EPHA6: variants seen among roughly 807,000 people sequenced by gnomAD.
EPHA6 encodes EPH receptor A6.
EPHA6 carries 50 observed loss-of-function variants against 112.0 expected under a neutral mutation model. The observed-to-expected ratio is 0.45, with a 90% CI of 0.36 to 0.56. EPHA6 has a LOEUF of 0.56. Among genes scored for constraint, EPHA6 ranks in the 20% least tolerant of loss-of-function variants. The probability of loss-of-function intolerance (pLI) is 0.00; values close to 1 mark genes in which losing one functional copy is unlikely to be tolerated. For synonymous variants in EPHA6, 529 were observed against 490.7 expected, an observed-to-expected ratio of 1.08 and a Z score of -1.03; for missense variants, 1,280 against 1,417.4, an observed-to-expected ratio of 0.90 and a Z score of 1.56.
chr3:97,443,519 T>C (rs370569848), intron 6 of EPHA6, among the ~76,000 whole-genome samples: 1 of 152,132 alleles, frequency 6.6e-6, no homozygotes, highest in East Asian at 1.9e-4. Context: ...TCCTGGACTT[T>C]ATTAAACAAA....
intron 11 of EPHA6, among the ~76,000 whole-genome samples, chr3:97,544,241 C>T (rs1312581949): frequency 1.3e-5 from 2 of 152,018 alleles, no homozygotes; most frequent in Non-Finnish European, 2.9e-5. Context: ...TCATAGATAG[C>T]TCTTATTATT....
chr3:97,381,772 A>C (rs2085750062), intron 5 of EPHA6, among the ~76,000 whole-genome samples: 1 of 152,130 alleles, frequency 6.6e-6, no homozygotes, highest in African/African-American at 2.4e-5. Flanking sequence ...TCAAATAATC[A>C]TGCCTAATTA....
At chr3:97,269,634 C>T (rs2108637339) in intron 5 of EPHA6, among the ~76,000 whole-genome samples, 1 of 152,252 alleles carries the variant, frequency 6.6e-6, no homozygotes, top group East Asian at 1.9e-4. Flanking sequence ...GGTCCCTACC[C>T]CAGATATTCT....
chr3:97,066,330 T>A (rs2046177687), intron 3 of EPHA6, among the ~76,000 whole-genome samples: 1 of 152,022 alleles, frequency 6.6e-6, no homozygotes, highest in South Asian at 2.1e-4. Flanking sequence ...TACAAAGCAA[T>A]AACAAAAGTG....
intron 2 of EPHA6, among the ~76,000 whole-genome samples, chr3:96,964,802 T>G (rs559970501): frequency 1.3e-5 from 2 of 152,194 alleles, no homozygotes; most frequent in African/African-American, 4.8e-5. Context: ...GTAGAGTATA[T>G]GCATACTCAA....
chr3:97,259,565 C>T (rs913114054), intron 5 of EPHA6, among the ~76,000 whole-genome samples: 3 of 152,144 alleles, frequency 2.0e-5, no homozygotes, highest in Non-Finnish European at 4.4e-5. Context: ...GTTTTGCTCA[C>T]TCTATCCCTG....
chr3:97,219,893 C>T (rs147438363), intron 3 of EPHA6, among the ~76,000 whole-genome samples: 1 of 152,170 alleles, frequency 6.6e-6, no homozygotes, highest in Admixed American at 6.5e-5. Context: ...TAATTTCAAA[C>T]CATCTCTTTG....
chr3:97,136,901 G>C (rs2075782963), intron 3 of EPHA6, among the ~76,000 whole-genome samples: 1 of 151,996 alleles, frequency 6.6e-6, no homozygotes, highest in Non-Finnish European at 1.5e-5. Context: ...GTGTTCTTCA[G>C]GAAGATGGTC....
At chr3:97,188,196 T>A (rs986936766) in intron 3 of EPHA6, among the ~76,000 whole-genome samples, 16 of 152,090 alleles carry the variant, frequency 1.1e-4, no homozygotes, top group Admixed American at 1.0e-3. Context: ...TAATTGCAAA[T>A]AGTGTTCAGC....
chr3:97,215,623 AAAT>A (rs2078012967), intron 3 of EPHA6, among the ~76,000 whole-genome samples: 1 of 152,078 alleles, frequency 6.6e-6, no homozygotes, highest in South Asian at 2.1e-4. Flanking sequence ...AAAAAAAAAA[AAAT>A]AGAAAATTAG....
chr3:96,843,389 A>T (rs995631141), intron 1 of EPHA6, among the ~76,000 whole-genome samples: 1 of 152,038 alleles, frequency 6.6e-6, no homozygotes, highest in Admixed American at 6.6e-5. Context: ...TATCTGTATG[A>T]TATATGTTGT....
chr3:97,127,870 GT>G (rs759063632), intron 3 of EPHA6, among the ~76,000 whole-genome samples: 2,204 of 147,468 alleles, frequency 0.015, 41 homozygotes, highest in African/African-American at 0.05. Context: ...ATATTCTTTA[GT>G]TTTTTTTTTT....
rs1432941329 is a variant in EPHA6, at chr3:97,648,413, G to A, written c.2784+10331G>A. On this transcript the variant is annotated intron_variant, in intron 14 of 17. Transcript: ENST00000389672. The stretch of plus-strand genomic sequence containing the variant: ...GGAGATAATTATAAAAAATAATGAA[G>A]CAGCATGAGGGGAAGGTATTTAATG... The A allele has an allele frequency of 1.1e-5, 16 of 1,506,372 alleles. No individual in the cohort carries two copies. The African/African-American group carries it at 2.0e-4, about 19-fold the overall frequency. 93.3% of individuals were successfully genotyped at this position (1,506,372 alleles called of 1,614,324 possible).
intron 2 of EPHA6, among the ~76,000 whole-genome samples, chr3:96,905,816 G>T (rs1330864678): frequency 4.6e-5 from 7 of 151,876 alleles, no homozygotes; most frequent in Non-Finnish European, 1.0e-4. Context: ...TAGTAAACTT[G>T]TTGGCTATAA....
chr3:96,949,844 T>C (rs1345445377), intron 2 of EPHA6, among the ~76,000 whole-genome samples: 1 of 152,156 alleles, frequency 6.6e-6, no homozygotes, highest in East Asian at 1.9e-4. Flanking sequence ...GTTAAATACT[T>C]ATCAAAATAT....
chr3:96,859,628 T>C (rs2035896549), intron 1 of EPHA6, among the ~76,000 whole-genome samples: 1 of 152,068 alleles, frequency 6.6e-6, no homozygotes, highest in African/African-American at 2.4e-5. Flanking sequence ...TTTTAAAACA[T>C]CTCCCACTCT....
intron 2 of EPHA6, among the ~76,000 whole-genome samples, chr3:96,973,993 A>G (rs972759977): frequency 6.9e-6 from 1 of 145,728 alleles, no homozygotes; most frequent in Admixed American, 6.9e-5. Flanking sequence ...ATTATATATA[A>G]TATACTGTGT....
rs552755677 is a variant in EPHA6, at chr3:97,293,550, G to T, written c.1606+49263G>T. On this transcript the variant is annotated intron_variant, in intron 5 of 17. Coordinates refer to ENST00000389672, the MANE Select transcript of EPHA6 (RefSeq NM_001080448.3). The stretch of plus-strand genomic sequence containing the variant: ...ACCCAAAGTAGGTAGCTCCATTCAT[G>T]CAGCAGGTAGTCGTGACATCTGTGT... Among the ~76,000 whole-genome samples the T allele has an allele frequency of 2.6e-5, 4 of 152,344 alleles. No homozygotes were observed. The South Asian group carries it at 8.3e-4, about 32-fold the overall frequency.
intron 1 of EPHA6, among the ~76,000 whole-genome samples, chr3:96,861,282 C>G (rs111839650): frequency 9.2e-5 from 14 of 152,034 alleles, no homozygotes; most frequent in African/African-American, 3.4e-4. Context: ...AGTTCTTGCT[C>G]TAGAGTATAA....
Sources: gnomAD v4.1 joint callset for allele counts (sites outside exome capture counted in the v4.1 genomes callset) on GRCh38, gnomAD v4.1.1 for gene constraint, MANE v1.5 for transcripts, NCBI Gene and HGNC (gene_info 2026-07-23, HGNC 2026-07-21) for gene names.